Variants in ATXN10 observed in about 807,000 individuals in gnomAD.
ATXN10 encodes the protein ataxin 10.
In ATXN10, 28 loss-of-function variants were observed where a neutral mutation model predicts 52.9. The observed-to-expected ratio is 0.53, with a 90% CI of 0.39 to 0.73. The LOEUF is 0.73. Among genes scored for constraint, ATXN10 ranks in the 30% least tolerant of loss-of-function variants. The probability of loss-of-function intolerance (pLI) is 0.00; values close to 1 mark genes in which losing one functional copy is unlikely to be tolerated. For missense variants in ATXN10, 565 were observed against 577.0 expected, an observed-to-expected ratio of 0.98 and a Z score of 0.21; for synonymous variants, 226 against 221.5, an observed-to-expected ratio of 1.02 and a Z score of -0.18.
At chr22:45,765,105 C>T (rs1186657877) in intron 9 of ATXN10, among the ~76,000 whole-genome samples, 2 of 152,140 alleles carry the variant, frequency 1.3e-5, no homozygotes, top group African/African-American at 4.8e-5. Flanking sequence ...GGTTGGAAAG[C>T]AGCGTGAAGT....
rs1426671623 is a variant in ATXN10, at chr22:45,750,298, G to A, written c.1173+9760G>A. Among the ~76,000 whole-genome samples, 8 of 151,956 alleles carry A rather than the reference G, an allele frequency of 5.3e-5. No homozygotes were observed. The highest frequency in any genetic ancestry group is 2.9e-5 in the Non-Finnish European group (2 of 67,994). Reference sequence around the variant, plus strand: ...TTTTGTAGAGGTGGGATTTTCCCATGTTCCCCAGGCTGGTCTTGAACTCCT... The same window carrying A: ...TTTTGTAGAGGTGGGATTTTCCCATATTCCCCAGGCTGGTCTTGAACTCCT... On this transcript the variant is annotated intron_variant, in intron 9 of 11. Transcript: ENST00000252934. The surrounding 1 kb of genome is among the most constrained non-coding windows in gnomAD (Gnocchi z 4.2).
rs1925167127 is a variant in ATXN10, at chr22:45,733,522, G to T, written c.894+3932G>T. On this transcript the variant is annotated intron_variant, in intron 7 of 11. Transcript: ENST00000252934. This position sits in a 1 kb window ranked among gnomAD's most constrained non-coding sequence, Gnocchi z 4.4. ...GGTCGAGGTGGGCAGATTGCCTGAG[G>T]TCAGGAGTTTGAGACCAGCCTGACT... Among the ~76,000 whole-genome samples the T allele has an allele frequency of 6.6e-6, 1 of 152,122 alleles. No homozygotes were observed. Among genetic ancestry groups the T allele is most frequent in the African/African-American group, 2.4e-5 (1 of 41,428 alleles).
intron 9 of ATXN10, among the ~76,000 whole-genome samples, chr22:45,765,741 A>G (rs954269215): frequency 6.6e-6 from 1 of 152,214 alleles, no homozygotes; most frequent in African/African-American, 2.4e-5. Flanking sequence ...GAAGCAGCCT[A>G]CCTGAAAATT....
intron 9 of ATXN10, among the ~76,000 whole-genome samples, chr22:45,747,651 CAGT>C (rs1358032388): frequency 1.3e-5 from 2 of 152,170 alleles, no homozygotes; most frequent in African/African-American, 4.8e-5. Context: ...CTTTAGAGTT[CAGT>C]AAACTCAGAG....
At position 45,702,502 on chromosome 22, in the gene ATXN10, A is replaced by G. The variant is rs533568263; in HGVS notation, c.489-187A>G. On this transcript the variant is annotated intron_variant, in intron 4 of 11. Transcript: ENST00000252934. Reference sequence around the variant, plus strand: ...CAACTTCAACTTTAATATTTTGGATACTTTTTATTGTGACTAAGTTTATAT... The same window carrying G: ...CAACTTCAACTTTAATATTTTGGATGCTTTTTATTGTGACTAAGTTTATAT... Among the ~76,000 whole-genome samples, 21 of 152,272 alleles carry G rather than the reference A, an allele frequency of 1.4e-4. No individual in the cohort carries two copies. In the South Asian group the frequency reaches 2.7e-3, roughly 20 times the overall value.
chr22:45,710,450 G>A (rs1924202355), intron 5 of ATXN10, among the ~76,000 whole-genome samples: 1 of 152,074 alleles, frequency 6.6e-6, no homozygotes, highest in Non-Finnish European at 1.5e-5. Flanking sequence ...AACCCGTATC[G>A]CTTTACTCTC....
rs555046922 is a variant in ATXN10 at position 45,793,790 on chromosome 22, A to G, written c.1174-13169A>G. ...GTGATGCAGGACAGGTAAGCCCCCA[A>G]ATTGGGACTTAGCCTGGGAAGGTTC... On this transcript the variant is annotated intron_variant, in intron 9 of 11. Coordinates refer to ENST00000252934, the MANE Select transcript of ATXN10 (RefSeq NM_013236.4). The G allele has an allele frequency of 9.6e-5, 127 of 1,321,936 alleles. 1 individual carries two copies. The highest frequency in any genetic ancestry group is 4.0e-4 in the Middle Eastern group (2 of 4,956). 81.9% of individuals were successfully genotyped at this position (1,321,936 alleles called of 1,614,324 possible).
intron 10 of ATXN10, among the ~76,000 whole-genome samples, chr22:45,831,742 A>G (rs749667226): frequency 4.6e-5 from 7 of 152,160 alleles, no homozygotes; most frequent in Non-Finnish European, 1.0e-4. Context: ...ACAAGGCCCA[A>G]GAACATAATC....
At chr22:45,704,197 A>G (rs1057315112) in intron 5 of ATXN10, 1 of 146,594 alleles carries the variant, frequency 6.8e-6, no homozygotes, top group Admixed American at 6.8e-5. Flanking sequence ...GTAATTTTAT[A>G]GTAAATTTTG....
chr22:45,746,611 C>G (rs957169301), intron 9 of ATXN10, among the ~76,000 whole-genome samples: 2 of 152,134 alleles, frequency 1.3e-5, no homozygotes, highest in African/African-American at 4.8e-5. Context: ...GGTGCTCAGG[C>G]AGGGCCAGCT....
rs554196003 is a variant in ATXN10, at chr22:45,681,865, T to G, written c.117-7847T>G. Among the ~76,000 whole-genome samples, 12 of 152,300 alleles carry G rather than the reference T, an allele frequency of 7.9e-5. No homozygotes were observed. The highest frequency in any genetic ancestry group is 2.9e-4 in the African/African-American group (12 of 41,558). On this transcript the variant is annotated intron_variant, in intron 1 of 11. Transcript: ENST00000252934. The surrounding 1 kb of genome is among the most constrained non-coding windows in gnomAD (Gnocchi z 4.2). The stretch of plus-strand genomic sequence containing the variant: ...TCCCTCATCCTCACTCTCAGCTCTC[T>G]GAAAATAGGAGCAACTAGAAGATAA...
intron 9 of ATXN10, among the ~76,000 whole-genome samples, chr22:45,791,218 A>G (rs1239916858): frequency 1.3e-5 from 2 of 152,230 alleles, no homozygotes; most frequent in African/African-American, 4.8e-5. Context: ...TCTGATAGTA[A>G]GACTGAAATA....
At chr22:45,794,766 A>G (rs1000040064) in intron 9 of ATXN10, among the ~76,000 whole-genome samples, 21 of 152,252 alleles carry the variant, frequency 1.4e-4, no homozygotes, top group Admixed American at 1.4e-3. Flanking sequence ...AGAAGGTAAA[A>G]TGTCCTGTAA....
chr22:45,836,203 G>A (rs1447354545), intron 10 of ATXN10, among the ~76,000 whole-genome samples: 6 of 152,226 alleles, frequency 3.9e-5, no homozygotes, highest in Non-Finnish European at 7.3e-5. Context: ...TTCTGAATGA[G>A]AAGAGTATGC....
rs1272185374 is a variant in ATXN10 at position 45,772,728 on chromosome 22, A to G, written c.1173+32190A>G. On this transcript the variant is annotated intron_variant, in intron 9 of 11. Coordinates refer to ENST00000252934, the MANE Select transcript of ATXN10 (RefSeq NM_013236.4). This position sits in a 1 kb window ranked among gnomAD's most constrained non-coding sequence, Gnocchi z 4.1. Reference sequence around the variant, plus strand: ...ATTTAGATCTTCTCTGATGTCTTTCATCAGTGTTTTCTCATTTTCAGCATG... The same window carrying G: ...ATTTAGATCTTCTCTGATGTCTTTCGTCAGTGTTTTCTCATTTTCAGCATG... Among the ~76,000 whole-genome samples the G allele has an allele frequency of 6.6e-6, 1 of 152,168 alleles. No individual in the cohort carries two copies. Among genetic ancestry groups the G allele is most frequent in the Non-Finnish European group, 1.5e-5 (1 of 68,028 alleles).
At chr22:45,761,514 C>T (rs1309601789) in intron 9 of ATXN10, among the ~76,000 whole-genome samples, 2 of 152,180 alleles carry the variant, frequency 1.3e-5, no homozygotes, top group African/African-American at 2.4e-5. Flanking sequence ...TTTCATTTCT[C>T]ACCAACCTTT....
At chr22:45,745,439 C>A (rs1925691785) in intron 9 of ATXN10, among the ~76,000 whole-genome samples, 1 of 152,152 alleles carries the variant, frequency 6.6e-6, no homozygotes. Context: ...TTCTCCTCCT[C>A]CTTCCTCCTC....
intron 6 of ATXN10, among the ~76,000 whole-genome samples, chr22:45,719,902 G>T (rs752948202): frequency 6.6e-5 from 10 of 152,016 alleles, no homozygotes; most frequent in Non-Finnish European, 1.5e-4. Flanking sequence ...CCATTAGATT[G>T]TTGGCACCCT....
chr22:45,782,967 TACA>T (rs139863646), intron 9 of ATXN10, among the ~76,000 whole-genome samples: 14,478 of 152,286 alleles, frequency 0.095, 879 homozygotes, highest in Middle Eastern at 0.16. Context: ...CTAGAACAAT[TACA>T]ACAACAATAG....
Sources: gnomAD v4.1 joint callset for allele counts (sites outside exome capture counted in the v4.1 genomes callset) on GRCh38, gnomAD v4.1.1 for gene constraint, Gnocchi (gnomAD v3.1) non-coding constraint, MANE v1.5 for transcripts, NCBI Gene and HGNC (gene_info 2026-07-23, HGNC 2026-07-21) for gene names.